The following TDRD3 variants were observed in gnomAD, a reference collection of about 807,000 sequenced individuals.
The protein encoded by TDRD3 is tudor domain-containing protein 3.
TDRD3 carries 45 observed loss-of-function variants against 86.7 expected under a neutral mutation model. The observed-to-expected ratio is 0.52, with a 90% confidence interval of 0.41 to 0.67. The LOEUF (loss-of-function observed/expected upper bound fraction) is 0.67, where lower values mean the gene tolerates loss of function less well. TDRD3 is among the 30% of genes least tolerant of loss of function. The pLI is 0.00. For synonymous variants in TDRD3, 298 were observed against 301.7 expected (o/e 0.99, Z 0.13); for missense variants, 814 against 889.0 (o/e 0.92, Z 1.07).
intron 5 of TDRD3, among the ~76,000 whole-genome samples, chr13:60,479,146 CA>C (rs1409180485): frequency 1.3e-5 from 2 of 152,188 alleles, no homozygotes; most frequent in African/African-American, 4.8e-5. Context: ...AGGTGGTTAA[CA>C]CTAAAAGCTT....
intron 12 of TDRD3, among the ~76,000 whole-genome samples, chr13:60,553,900 A>G (rs919208246): frequency 1.3e-5 from 2 of 152,232 alleles, no homozygotes; most frequent in Non-Finnish European, 2.9e-5. Flanking sequence ...TAGAAATCTT[A>G]AAATGTAGAT....
chr13:60,417,892 A>T (rs918708808), intron 1 of TDRD3, among the ~76,000 whole-genome samples: 1 of 151,214 alleles, frequency 6.6e-6, no homozygotes, highest in African/African-American at 2.4e-5. Context: ...TTTCCTATTC[A>T]CTCATATCTA....
At chr13:60,490,691 A>T (rs549272943) in intron 7 of TDRD3, among the ~76,000 whole-genome samples, 59 of 151,720 alleles carry the variant, frequency 3.9e-4, no homozygotes, top group African/African-American at 6.0e-4. Context: ...TCTAGGATTT[A>T]AAAAAAAATG....
intron 8 of TDRD3, among the ~76,000 whole-genome samples, chr13:60,506,793 C>G (rs1481571612): frequency 6.6e-6 from 1 of 152,100 alleles, no homozygotes; most frequent in Admixed American, 6.6e-5. Context: ...GAAACTGCAT[C>G]AGCTAAAGGG....
chr13:60,454,071 C>T (rs1386732781), intron 3 of TDRD3, among the ~76,000 whole-genome samples: 1 of 152,008 alleles, frequency 6.6e-6, no homozygotes, highest in Non-Finnish European at 1.5e-5. Flanking sequence ...CATTATTCAG[C>T]TCTAAATATT....
chr13:60,427,954 T>A (rs1954852440), intron 1 of TDRD3, among the ~76,000 whole-genome samples: 1 of 152,148 alleles, frequency 6.6e-6, no homozygotes, highest in Non-Finnish European at 1.5e-5. Context: ...ATTTATTCAC[T>A]TAACAGTTCT....
At chr13:60,514,103 A>T (rs1957117789) in intron 10 of TDRD3, among the ~76,000 whole-genome samples, 1 of 152,184 alleles carries the variant, frequency 6.6e-6, no homozygotes, top group Non-Finnish European at 1.5e-5. Context: ...ATGGACAATG[A>T]AATCCAGGCT....
chr13:60,410,914 A>T (rs1954349376), intron 1 of TDRD3, among the ~76,000 whole-genome samples: 1 of 152,122 alleles, frequency 6.6e-6, no homozygotes, highest in Non-Finnish European at 1.5e-5. Flanking sequence ...GTCTTTATAA[A>T]CATATTAATT....
chr13:60,479,996 C>T (rs953532269), intron 5 of TDRD3, among the ~76,000 whole-genome samples: 5 of 152,272 alleles, frequency 3.3e-5, no homozygotes, highest in Middle Eastern at 6.8e-3. Context: ...AACCAGTTTA[C>T]ATTCAGGGTC....
chr13:60,467,516 A>G (rs2138082898), intron 5 of TDRD3, 137 bp downstream of exon 5: 1 of 949,126 alleles, frequency 1.1e-6, no homozygotes, highest in East Asian at 2.6e-5. Flanking sequence ...CTTTAGAGAA[A>G]CTATCTTTGT....
chr13:60,467,154 AGGC>A, intron 4 of TDRD3, 81 bp from the exon 5 acceptor site: 1 of 1,515,758 alleles, frequency 6.6e-7, no homozygotes, highest in Non-Finnish European at 8.9e-7. Flanking sequence ...ACTGCCTGAC[AGGC>A]CCCGGTCTGT....
chr13:60,510,659 T>A lies in TDRD3; in HGVS notation c.1045T>A (p.Ser349Thr). Residue 349 changes from serine (S) to threonine (T), a missense_variant, in exon 10 of 14, where the codon TCT becomes ACT. Ser to Thr is a moderately conservative substitution (Grantham distance 58, BLOSUM62 1). Coordinates refer to ENST00000377881, the MANE Select transcript of TDRD3 (RefSeq NM_001146070.2). Reference protein sequence around the residue: ...GRGKGRGRIRSEDEEDLGNAR... With the variant: ...GRGKGRGRIRTEDEEDLGNAR... ...AGGAAAAGGCAGGGGGCGAATAAGA[T>A]CTGAAGATGAAGAGGACCTGGGAAA... is the stretch of plus-strand genomic sequence containing the variant. The A allele has an allele frequency of 6.2e-7, 1 of 1,604,490 alleles. No individual in the cohort carries two copies. Among genetic ancestry groups the A allele is most frequent in the Non-Finnish European group, 8.5e-7 (1 of 1,175,370 alleles).
rs1177043301 is a variant in TDRD3 at position 60,528,846 on chromosome 13, T to G, written c.1621T>G (p.Ser541Ala). ...QKRGKRESQTSIPDYFYDRKS... is the reference protein window; with the variant it reads ...QKRGKRESQTAIPDYFYDRKS... ...ACGTGGAAAAAGAGAAAGCCAAACA[T>G]CTATTCCTGATTATTTTTATGACAG... The change falls in exon 11 of 14, where the codon TCT becomes GCT. Residue 541 changes from serine (S) to alanine (A), a missense_variant. Coordinates refer to ENST00000377881, the MANE Select transcript of TDRD3 (RefSeq NM_001146070.2). 1.2e-6 allele frequency: 2 copies of G among 1,613,348 alleles called. No individual in the cohort carries two copies. The highest frequency in any genetic ancestry group is 1.7e-6 in the Non-Finnish European group (2 of 1,179,842).
chr13:60,566,972 A>G (rs1205134516), intron 12 of TDRD3, among the ~76,000 whole-genome samples: 1 of 152,122 alleles, frequency 6.6e-6, no homozygotes, highest in East Asian at 1.9e-4. Context: ...TTCCTCCCCT[A>G]TTCCAAACCA....
chr13:60,397,445 G>C (rs1342040764), intron 1 of TDRD3, 40 bp downstream of exon 1: 7 of 1,472,554 alleles, frequency 4.8e-6, no homozygotes, highest in African/African-American at 1.5e-5. Flanking sequence ...CCGCGGGTGC[G>C]GGCCGGGGCC....
intron 8 of TDRD3, among the ~76,000 whole-genome samples, chr13:60,501,653 C>G (rs1298137528): frequency 6.6e-6 from 1 of 152,172 alleles, no homozygotes; most frequent in Non-Finnish European, 1.5e-5. Flanking sequence ...TGTTTACCAT[C>G]CATAAAATCA....
intron 8 of TDRD3, among the ~76,000 whole-genome samples, chr13:60,505,204 T>C (rs1005517183): frequency 3.9e-5 from 6 of 152,220 alleles, no homozygotes; most frequent in African/African-American, 1.4e-4. Context: ...AAATTCTCGC[T>C]GCCAGCACCA....
chr13:60,553,318 G>A (rs1958108687), intron 12 of TDRD3, among the ~76,000 whole-genome samples: 1 of 152,024 alleles, frequency 6.6e-6, no homozygotes, highest in Non-Finnish European at 1.5e-5. Flanking sequence ...CAGCATTTTG[G>A]TCAACACCAT....
chr13:60,447,522 G>A (rs1760446785), intron 3 of TDRD3, among the ~76,000 whole-genome samples: 1 of 152,140 alleles, frequency 6.6e-6, no homozygotes, highest in Non-Finnish European at 1.5e-5. Flanking sequence ...TTTTTATCTT[G>A]AAAGTCTAAG....
Sources: allele counts gnomAD v4.1 joint callset (sites outside exome capture counted in the v4.1 genomes callset), GRCh38; gene constraint gnomAD v4.1.1; transcripts MANE v1.5; gene names NCBI Gene and HGNC (gene_info 2026-07-23, HGNC 2026-07-21).